NRDC: variants seen among roughly 807,000 people sequenced by gnomAD.
The protein encoded by NRDC is nardilysin convertase, also known as nardilysin.
In NRDC, 54 loss-of-function variants were observed where a neutral mutation model predicts 147.1. The observed-to-expected ratio is 0.37, with a 90% CI of 0.29 to 0.46. NRDC has a LOEUF of 0.46. NRDC is among the 20% of genes least tolerant of loss of function. The pLI, the probability that NRDC is intolerant of heterozygous loss-of-function variation, is 1.00. For synonymous variants in NRDC, 440 were observed against 482.1 expected, an observed-to-expected ratio of 0.91 and a Z score of 1.14; for missense variants, 1,082 against 1,370.6, an observed-to-expected ratio of 0.79 and a Z score of 3.33.
chr1:51,860,066 G>A (rs1241428962), intron 1 of NRDC: 1 of 188,452 alleles, frequency 5.3e-6, no homozygotes, highest in Non-Finnish European at 1.2e-5. Context: ...CCATAGTGGT[G>A]TCCAATTATA....
In NRDC at chr1:51,855,771, T is replaced by C. The variant is rs987270801; in HGVS notation, c.342-15257A>G. Among the ~76,000 whole-genome samples, 4 of 152,040 alleles carry C rather than the reference T, an allele frequency of 2.6e-5. No individual in the cohort carries two copies. The East Asian group carries it at 7.7e-4, about 29-fold the overall frequency. ...CCCTGTAATCCCAGCTACTCAGGTG[T>C]CTGAGGCTGGAGGATCACTTGAGCC... is the stretch of plus-strand genomic sequence containing the variant. On this transcript the variant is annotated intron_variant, in intron 1 of 30. Transcript: ENST00000352171.
At chr1:51,838,037 CA>C (rs1396040919) in intron 2 of NRDC, among the ~76,000 whole-genome samples, 11 of 152,164 alleles carry the variant, frequency 7.2e-5, no homozygotes, top group Admixed American at 7.2e-4. Context: ...GAGAGTTATT[CA>C]ACAAATATAA....
chr1:51,840,531 A>T lies in NRDC; in HGVS notation c.342-17T>A. ...TTGATGTATCTGGGGGGAGAAAAAAAAAATCACACATTTTGATTCAGCTGT... is the reference window on the plus strand; with the variant it reads ...TTGATGTATCTGGGGGGAGAAAAAATAAATCACACATTTTGATTCAGCTGT... On this transcript the variant is annotated splice_polypyrimidine_tract_variant and intron_variant, in intron 1 of 30. Coordinates refer to ENST00000352171, the MANE Select transcript of NRDC (RefSeq NM_001101662.2). 2.0e-6 allele frequency: 3 copies of T among 1,538,364 alleles called. No individual in the cohort carries two copies. Among genetic ancestry groups the T allele is most frequent in the Non-Finnish European group, 1.8e-6 (2 of 1,140,386 alleles).
chr1:51,794,477 A>G lies in NRDC; in HGVS notation c.2770T>C (p.Tyr924His), dbSNP rs761839606. The G allele has an allele frequency of 1.9e-6, 3 of 1,614,052 alleles. No individual in the cohort carries two copies. The highest frequency in any genetic ancestry group is 4.5e-5 in the East Asian group (2 of 44,894). ...GDANSEVTVYYQSGTRSLREY... is the reference protein window; with the variant it reads ...GDANSEVTVYHQSGTRSLREY... Reference sequence around the variant, plus strand: ...CTTTAGTACACCCAACTGACCTGGTAGTACACAGTGACTTCAGAGTTGGCA... The same window carrying G: ...CTTTAGTACACCCAACTGACCTGGTGGTACACAGTGACTTCAGAGTTGGCA... Residue 924 changes from tyrosine to histidine, a missense_variant, in exon 24 of 31, where the codon TAC (tyrosine) becomes CAC (histidine). Tyr to His is a moderately conservative substitution (Grantham distance 83). Coordinates refer to ENST00000352171, the MANE Select transcript of NRDC (RefSeq NM_001101662.2).
At position 51,792,560 on chromosome 1, in the gene NRDC, G is replaced by T. The variant is rs1678707266; in HGVS notation, c.2776-136C>A. 6 of 752,886 alleles carry T rather than the reference G, an allele frequency of 8.0e-6. No individual in the cohort carries two copies. In the South Asian group the frequency reaches 8.1e-5, roughly 10 times the overall value. 46.6% of individuals were successfully genotyped at this position (752,886 alleles called of 1,614,324 possible). A position where few individuals can be genotyped will look rare whatever the true frequency, so the allele number is the denominator to read the frequency against. ...CCAAGAGAGTTAATCATACTTTGATGTTGTTTACATATCTGCTTTCCCACC... is the reference window on the plus strand; with the variant it reads ...CCAAGAGAGTTAATCATACTTTGATTTTGTTTACATATCTGCTTTCCCACC... On this transcript the variant is annotated intron_variant, in intron 24 of 30. Transcript: ENST00000352171.
intron 5 of NRDC, among the ~76,000 whole-genome samples, chr1:51,827,455 G>C (rs953557854): frequency 6.6e-6 from 1 of 152,150 alleles, no homozygotes; most frequent in African/African-American, 2.4e-5. Flanking sequence ...ATGTAATTAA[G>C]GAATATTTAT....
intron 15 of NRDC, among the ~76,000 whole-genome samples, chr1:51,810,657 A>G (rs570268877): frequency 1.8e-4 from 27 of 152,330 alleles, no homozygotes; most frequent in African/African-American, 5.8e-4. Context: ...CTTAAATCCT[A>G]CATATTAACA....
intron 1 of NRDC, among the ~76,000 whole-genome samples, chr1:51,877,186 CAAAAAA>C (rs1213284495): frequency 1.4e-5 from 2 of 139,644 alleles, no homozygotes. Flanking sequence ...GACTCCGTTT[CAAAAAA>C]AAAAAGGAAA....
chr1:51,790,594 A>T lies in NRDC; in HGVS notation c.3107T>A (p.Val1036Glu). ...AACCACTTCATTCCAGTTCCTATCC[A>T]CCTCCTCCCCAAGGTGGGTATCCTC... ...ECEDTHLGEE[V>E]DRNWNEVVTQ... The change falls in exon 29 of 31, where the codon GTG (valine) becomes GAG (glutamate). Residue 1036 changes from valine to glutamate, a missense_variant. Coordinates refer to ENST00000352171, the MANE Select transcript of NRDC (RefSeq NM_001101662.2). 1 of 1,613,686 alleles carries T rather than the reference A, an allele frequency of 6.2e-7. No homozygotes were observed. Among genetic ancestry groups the T allele is most frequent in the Non-Finnish European group, 8.5e-7 (1 of 1,179,892 alleles).
chr1:51,853,082 G>A (rs187342584), intron 1 of NRDC, among the ~76,000 whole-genome samples: 81 of 152,124 alleles, frequency 5.3e-4, no homozygotes, highest in African/African-American at 1.6e-3. Context: ...AAATTAGCCA[G>A]ATGTGGTGGC....
chr1:51,845,721 T>G (rs1186169543), intron 1 of NRDC, among the ~76,000 whole-genome samples: 1 of 152,244 alleles, frequency 6.6e-6, no homozygotes, highest in Non-Finnish European at 1.5e-5. Flanking sequence ...TTCGCACCAT[T>G]TATCATTACT....
At chr1:51,800,802 G>T in intron 20 of NRDC, 119 bp from the exon 21 acceptor site, 1 of 961,044 alleles carries the variant, frequency 1.0e-6, no homozygotes, top group Non-Finnish European at 1.5e-6. Flanking sequence ...ATTGTGGGGG[G>T]ACATAAGAAA....
chr1:51,868,756 C>G (rs949848448), intron 1 of NRDC, among the ~76,000 whole-genome samples: 1 of 152,036 alleles, frequency 6.6e-6, no homozygotes, highest in Admixed American at 6.6e-5. Context: ...CCTGTCGTCC[C>G]AGCTACTCAA....
chr1:51,830,353 A>C, intron 4 of NRDC, among the ~76,000 whole-genome samples: 1 of 152,140 alleles, frequency 6.6e-6, no homozygotes, highest in South Asian at 2.1e-4. Context: ...TGTTTGTGTT[A>C]TCTGTTCTCA....
chr1:51,842,012 A>T (rs1316461807), intron 1 of NRDC, among the ~76,000 whole-genome samples: 1 of 152,130 alleles, frequency 6.6e-6, no homozygotes, highest in Non-Finnish European at 1.5e-5. Flanking sequence ...TTCTACAAAA[A>T]ATACAAAAAA....
At chr1:51,844,367 G>A (rs781438879) in intron 1 of NRDC, among the ~76,000 whole-genome samples, 1 of 151,948 alleles carries the variant, frequency 6.6e-6, no homozygotes, top group Non-Finnish European at 1.5e-5. Context: ...CAATCTGAAT[G>A]GTATCCTTAT....
intron 1 of NRDC, among the ~76,000 whole-genome samples, chr1:51,877,746 A>G (rs1683404049): frequency 6.6e-6 from 1 of 152,206 alleles, no homozygotes; most frequent in South Asian, 2.1e-4. Context: ...CGTTTTGGTA[A>G]TGGAGAACTA....
intron 4 of NRDC, among the ~76,000 whole-genome samples, chr1:51,832,277 C>A (rs1344829850): frequency 6.6e-6 from 1 of 151,976 alleles, no homozygotes; most frequent in East Asian, 1.9e-4. Flanking sequence ...GAACTCCTGG[C>A]CTCAAGTTAT....
Position 51,837,580 on chromosome 1 carries a change from T to C in NRDC, c.631-1368A>G, listed in dbSNP as rs760745957. Reference sequence around the variant, plus strand: ...ATAAGTTGACTTAAACCACAGTCTATCAGTCAGCTTTGACCACAGCAAAAA... The same window carrying C: ...ATAAGTTGACTTAAACCACAGTCTACCAGTCAGCTTTGACCACAGCAAAAA... On this transcript the variant is annotated intron_variant, in intron 2 of 30. Transcript: ENST00000352171. 3.1e-6 allele frequency: 5 copies of C among 1,593,222 alleles called. No individual in the cohort carries two copies. The South Asian group carries it at 5.7e-5, about 18-fold the overall frequency.
Sources: allele counts gnomAD v4.1 joint callset (sites outside exome capture counted in the v4.1 genomes callset), GRCh38; gene constraint gnomAD v4.1.1; transcripts MANE v1.5; gene names NCBI Gene and HGNC (gene_info 2026-07-23, HGNC 2026-07-21).